Variants in SGCZ observed in about 807,000 individuals in gnomAD.
The protein encoded by SGCZ is sarcoglycan zeta, also known as zeta-sarcoglycan.
Under a neutral mutation model 41.3 loss-of-function variants are expected in SGCZ, and 40 were observed. That is an observed-to-expected ratio of 0.97 (90% CI 0.75 to 1.26). The LOEUF is 1.26. SGCZ is among the 50% of genes most tolerant of loss of function. The pLI is 0.00. For missense variants in SGCZ, 552 were observed against 369.8 expected, an observed-to-expected ratio of 1.49 and a Z score of -4.04; for synonymous variants, 206 against 137.5, an observed-to-expected ratio of 1.50 and a Z score of -3.49.
At chr8:15,165,017 C>T (rs1014854438) in intron 1 of SGCZ, among the ~76,000 whole-genome samples, 3 of 152,094 alleles carry the variant, frequency 2.0e-5, no homozygotes, top group Admixed American at 6.5e-5. Flanking sequence ...TTAGGCCAGG[C>T]GCAGTGGCTC....
At chr8:14,367,179 C>A (rs1803739289) in intron 2 of SGCZ, among the ~76,000 whole-genome samples, 1 of 152,112 alleles carries the variant, frequency 6.6e-6, no homozygotes, top group Non-Finnish European at 1.5e-5. Flanking sequence ...CTGCTAGTCT[C>A]TTTGCTAAAG....
chr8:14,759,347 A>AC (rs1213356936), intron 1 of SGCZ, among the ~76,000 whole-genome samples: 1 of 24,902 alleles, frequency 4.0e-5, no homozygotes, highest in Non-Finnish European at 7.2e-5. Flanking sequence ...AGCCTCAACA[A>AC]AAAAAAAAAT....
At chr8:15,215,364 T>C (rs2117170088) in intron 1 of SGCZ, among the ~76,000 whole-genome samples, 1 of 152,290 alleles carries the variant, frequency 6.6e-6, no homozygotes, top group African/African-American at 2.4e-5. Flanking sequence ...TTCAGAAAAA[T>C]TCCATTATCT....
intron 1 of SGCZ, among the ~76,000 whole-genome samples, chr8:15,039,409 G>A (rs73205419): frequency 0.034 from 5,240 of 152,260 alleles, 135 homozygotes; most frequent in Non-Finnish European, 0.054. Flanking sequence ...CTTACATGTG[G>A]CATCTAAAAC....
intron 3 of SGCZ, among the ~76,000 whole-genome samples, chr8:14,272,283 C>T (rs557957903): frequency 1.2e-4 from 19 of 152,326 alleles, no homozygotes; most frequent in African/African-American, 3.4e-4. Context: ...GGATTACAGG[C>T]GTAAGCCACT....
chr8:14,413,596 G>T (rs991693015), intron 2 of SGCZ, among the ~76,000 whole-genome samples: 3 of 151,938 alleles, frequency 2.0e-5, no homozygotes, highest in African/African-American at 7.2e-5. Flanking sequence ...AGTAGTTTTT[G>T]AAATATATGC....
chr8:15,066,434 A>C (rs1805152515), intron 1 of SGCZ, among the ~76,000 whole-genome samples: 1 of 152,032 alleles, frequency 6.6e-6, no homozygotes, highest in Non-Finnish European at 1.5e-5. Context: ...CCAATAGTCT[A>C]ATTCTAATGT....
intron 1 of SGCZ, among the ~76,000 whole-genome samples, chr8:14,657,028 T>A (rs534323916): frequency 2.6e-5 from 4 of 152,096 alleles, no homozygotes; most frequent in South Asian, 2.1e-4. Context: ...TTAAAAAAAA[T>A]ATGCAGTGGG....
At position 14,155,345 on chromosome 8, in the gene SGCZ, C is replaced by T. The variant is rs1803845762; in HGVS notation, c.547+9235G>A. Among the ~76,000 whole-genome samples the T allele has an allele frequency of 2.0e-5, 3 of 152,010 alleles. 1 individual carries two copies. In the South Asian group the frequency reaches 6.2e-4, roughly 31 times the overall value. On this transcript the variant is annotated intron_variant, in intron 5 of 7. Transcript: ENST00000382080. ...TCTTATCAGATGTTGCCTGATGTCT[C>T]TTTGGCCCATGACTGGTGGTAGTTA...
chr8:14,207,240 C>T, intron 4 of SGCZ, among the ~76,000 whole-genome samples: 1 of 107,372 alleles, frequency 9.3e-6, no homozygotes, highest in East Asian at 2.9e-4. Context: ...TTGTATTTAA[C>T]TAGTTTTTTC....
At chr8:14,542,606 C>A (rs1207145833) in intron 2 of SGCZ, among the ~76,000 whole-genome samples, 1 of 152,008 alleles carries the variant, frequency 6.6e-6, no homozygotes, top group African/African-American at 2.4e-5. Flanking sequence ...GAACTAGGGG[C>A]AGTAAGGAAA....
intron 2 of SGCZ, among the ~76,000 whole-genome samples, chr8:14,408,144 A>G (rs1303086387): frequency 2.0e-5 from 3 of 152,124 alleles, no homozygotes; most frequent in Non-Finnish European, 4.4e-5. Context: ...AGTAGAAATT[A>G]AAAGAAAAAT....
At chr8:14,475,039 T>C (rs892679377) in intron 2 of SGCZ, among the ~76,000 whole-genome samples, 1 of 152,190 alleles carries the variant, frequency 6.6e-6, no homozygotes, top group Non-Finnish European at 1.5e-5. Flanking sequence ...TGTGGACTTA[T>C]CCAATGAGTT....
At chr8:14,605,495 G>T (rs1203103637) in intron 1 of SGCZ, among the ~76,000 whole-genome samples, 1 of 151,858 alleles carries the variant, frequency 6.6e-6, no homozygotes, top group Non-Finnish European at 1.5e-5. Context: ...TCAAATACTA[G>T]ATCTTTTAAT....
At chr8:14,967,381 C>T (rs1801156927) in intron 1 of SGCZ, among the ~76,000 whole-genome samples, 1 of 152,144 alleles carries the variant, frequency 6.6e-6, no homozygotes, top group Non-Finnish European at 1.5e-5. Flanking sequence ...TGACATCAAC[C>T]TTCCCTATTT....
At chr8:14,876,243 T>A (rs1183373554) in intron 1 of SGCZ, among the ~76,000 whole-genome samples, 1 of 152,066 alleles carries the variant, frequency 6.6e-6, no homozygotes, top group Non-Finnish European at 1.5e-5. Context: ...AACAACACAT[T>A]TCTAAATAAC....
At chr8:14,491,107 A>G (rs1293566898) in intron 2 of SGCZ, among the ~76,000 whole-genome samples, 1 of 147,190 alleles carries the variant, frequency 6.8e-6, no homozygotes, top group Non-Finnish European at 1.5e-5. Context: ...TTTAATTGAG[A>G]TCTAATTTGT....
At chr8:14,299,228 G>C (rs998734553) in intron 3 of SGCZ, among the ~76,000 whole-genome samples, 9 of 152,090 alleles carry the variant, frequency 5.9e-5, no homozygotes, top group African/African-American at 1.9e-4. Context: ...TTCTAGGAGA[G>C]AACACGGTAG....
At chr8:14,731,564 C>T (rs1176908358) in intron 1 of SGCZ, among the ~76,000 whole-genome samples, 1 of 152,020 alleles carries the variant, frequency 6.6e-6, no homozygotes, top group East Asian at 1.9e-4. Flanking sequence ...AGAATGCGTG[C>T]CTGTTTAATT....
Sources: allele counts gnomAD v4.1 joint callset (sites outside exome capture counted in the v4.1 genomes callset), GRCh38; gene constraint gnomAD v4.1.1; transcripts MANE v1.5; gene names NCBI Gene and HGNC (gene_info 2026-07-23, HGNC 2026-07-21).